Variants in SLC8A1 observed in about 807,000 individuals in gnomAD.
SLC8A1 encodes sodium/calcium exchanger 1.
A neutral mutation model predicts 68.3 loss-of-function variants in SLC8A1; 18 were observed. That is an observed-to-expected ratio of 0.26 (90% confidence interval 0.18 to 0.39). SLC8A1 has a LOEUF of 0.39. Ranked by LOEUF, SLC8A1 falls within the 10% of genes least tolerant of loss-of-function variation. The probability of loss-of-function intolerance (pLI) is 1.00; values close to 1 mark genes in which losing one functional copy is unlikely to be tolerated. For missense variants in SLC8A1, 985 were observed against 1,156.7 expected, an observed-to-expected ratio of 0.85 and a Z score of 2.15; for synonymous variants, 475 against 415.5, an observed-to-expected ratio of 1.14 and a Z score of -1.74.
At chr2:40,446,741 A>G (rs1701519209) in intron 1 of SLC8A1, 1 of 152,184 alleles carries the variant, frequency 6.6e-6, no homozygotes, top group South Asian at 2.1e-4. Context: ...ATTTCACTGA[A>G]CCATAGTCTT....
chr2:40,281,058 G>C (rs2067442589), intron 2 of SLC8A1, among the ~76,000 whole-genome samples: 1 of 152,110 alleles, frequency 6.6e-6, no homozygotes, highest in Non-Finnish European at 1.5e-5. Context: ...CTTATAACTT[G>C]CCTGCTTAGT....
intron 2 of SLC8A1, among the ~76,000 whole-genome samples, chr2:40,379,682 G>C (rs750145226): frequency 6.7e-6 from 1 of 150,370 alleles, no homozygotes; most frequent in East Asian, 2.0e-4. Context: ...TCTGTTTACC[G>C]CATCACCATC....
rs192792852 is a variant in SLC8A1, at chr2:40,159,599, C to T, written c.2161+1166G>A. ...TGAAGAGGGAGTATAGCTCATGCCT[C>T]ATATATTAAGCTTAGATTTATAGAA... On this transcript the variant is annotated intron_variant, in intron 6 of 7. Coordinates refer to ENST00000406785, the Ensembl canonical transcript of SLC8A1. Among the ~76,000 whole-genome samples the T allele has an allele frequency of 3.7e-3, 568 of 152,222 alleles. 2 individuals carry two copies. The highest frequency in any genetic ancestry group is 0.013 in the African/African-American group (525 of 41,546).
chr2:40,350,107 A>G (rs1031812177), intron 2 of SLC8A1, among the ~76,000 whole-genome samples: 24 of 152,074 alleles, frequency 1.6e-4, no homozygotes, highest in African/African-American at 5.6e-4. Flanking sequence ...GTTTGTGTTT[A>G]TGTGTTGCAT....
At chr2:40,103,992 G>A (rs181548158) in exon 8 of SLC8A1, 2 of 152,234 alleles carry the variant, frequency 1.3e-5, no homozygotes, top group Admixed American at 1.3e-4. Flanking sequence ...TCAAGCTAAA[G>A]GTAAAGTCTT....
chr2:40,500,778 A>G (rs1706007741), intron 1 of SLC8A1, among the ~76,000 whole-genome samples: 1 of 143,384 alleles, frequency 7.0e-6, no homozygotes, highest in Admixed American at 7.1e-5. Flanking sequence ...CCTATAAGGT[A>G]AGGTATTATC....
At chr2:40,414,191 GCTGT>G (rs1368348224) in intron 2 of SLC8A1, among the ~76,000 whole-genome samples, 1 of 152,150 alleles carries the variant, frequency 6.6e-6, no homozygotes, top group Non-Finnish European at 1.5e-5. Context: ...TGTATTATTT[GCTGT>G]CTCTCATTTT....
chr2:40,413,260 C>T (rs1046444358), intron 2 of SLC8A1, among the ~76,000 whole-genome samples: 1 of 152,048 alleles, frequency 6.6e-6, no homozygotes, highest in Non-Finnish European at 1.5e-5. Flanking sequence ...GGGTATATAC[C>T]CAAAGGTTTA....
chr2:40,175,323 C>A, intron 3 of SLC8A1, 42 bp from the exon 4 acceptor site: 3 of 1,591,692 alleles, frequency 1.9e-6, no homozygotes, highest in Non-Finnish European at 2.6e-6. Context: ...AATAAGAGAC[C>A]AGATGAATAA....
At chr2:40,261,494 G>A (rs1559006633) in intron 2 of SLC8A1, among the ~76,000 whole-genome samples, 1 of 152,126 alleles carries the variant, frequency 6.6e-6, no homozygotes, top group Admixed American at 6.6e-5. Context: ...AAAATTTTAG[G>A]CTGTTTTGGG....
At chr2:40,266,582 C>T (rs901515143) in intron 2 of SLC8A1, among the ~76,000 whole-genome samples, 23 of 152,136 alleles carry the variant, frequency 1.5e-4, no homozygotes, top group African/African-American at 5.1e-4. Flanking sequence ...GCTGTTTTCT[C>T]TCCTATCATT....
In SLC8A1 at chr2:40,378,826, A is replaced by C. The variant is rs80294641; in HGVS notation, c.1808+49647T>G. On this transcript the variant is annotated intron_variant, in intron 2 of 7. Transcript: ENST00000406785. The stretch of plus-strand genomic sequence containing the variant: ...TCTCTTTAAAATGGCCTTGCCCCTC[A>C]TTTTGCTGAGGTTGAGCTCAATGCC... 6.0e-3 allele frequency among the ~76,000 whole-genome samples: 916 copies of C among 152,094 alleles called. 9 individuals are homozygous for C. The highest frequency in any genetic ancestry group is 0.037 in the South Asian group (179 of 4,828).
At chr2:40,298,398 T>C (rs565370085) in intron 2 of SLC8A1, among the ~76,000 whole-genome samples, 3 of 152,338 alleles carry the variant, frequency 2.0e-5, no homozygotes, top group East Asian at 3.9e-4. Flanking sequence ...GGGTATACTT[T>C]GTTTTCAACA....
chr2:40,466,593 G>A (rs1171326359), intron 1 of SLC8A1, among the ~76,000 whole-genome samples: 1 of 152,118 alleles, frequency 6.6e-6, no homozygotes, highest in Non-Finnish European at 1.5e-5. Context: ...GTGCTAATCT[G>A]CTTCTTTCTA....
intron 2 of SLC8A1, among the ~76,000 whole-genome samples, chr2:40,241,302 C>T (rs1282182660): frequency 6.6e-6 from 1 of 152,026 alleles, no homozygotes; most frequent in Non-Finnish European, 1.5e-5. Context: ...AATCACTGAG[C>T]ATACACGGAC....
chr2:40,302,496 CAT>C (rs950859445), intron 2 of SLC8A1, among the ~76,000 whole-genome samples: 15 of 144,754 alleles, frequency 1.0e-4, no homozygotes, highest in African/African-American at 2.3e-4. Flanking sequence ...ACATATATAT[CAT>C]ATATGTGTGT....
intron 2 of SLC8A1, among the ~76,000 whole-genome samples, chr2:40,361,464 C>CTT (rs60746878): frequency 1.4e-5 from 2 of 146,956 alleles, no homozygotes. Context: ...CTGAAGGAGC[C>CTT]TTTTTTTTTT....
chr2:40,243,955 T>A (rs959918367), intron 2 of SLC8A1, among the ~76,000 whole-genome samples: 1 of 152,158 alleles, frequency 6.6e-6, no homozygotes, highest in Non-Finnish European at 1.5e-5. Flanking sequence ...GTGGGCAGAA[T>A]GGATAGCTTC....
exon 8 of SLC8A1, chr2:40,108,274 A>C (rs777332384): frequency 2.0e-5 from 3 of 147,060 alleles, no homozygotes; most frequent in South Asian, 2.2e-4. Flanking sequence ...TAATTTGGAA[A>C]CGTGTGCCAA....
Sources: allele counts gnomAD v4.1 joint callset (sites outside exome capture counted in the v4.1 genomes callset), GRCh38; gene constraint gnomAD v4.1.1; transcripts MANE v1.5; gene names NCBI Gene and HGNC (gene_info 2026-07-23, HGNC 2026-07-21).